Variants in CTNND2 observed in about 807,000 individuals in gnomAD.
The protein encoded by CTNND2 is catenin delta-2.
CTNND2 carries 22 observed loss-of-function variants against 144.4 expected under a neutral mutation model. That is an observed-to-expected ratio of 0.15 (90% confidence interval 0.11 to 0.22). The LOEUF is 0.22. CTNND2 is among the 10% of genes least tolerant of loss of function. The probability of loss-of-function intolerance (pLI) is 1.00; values close to 1 mark genes in which losing one functional copy is unlikely to be tolerated. For synonymous variants in CTNND2, 751 were observed against 695.6 expected (o/e 1.08, Z -1.25); for missense variants, 1,353 against 1,618.8 (o/e 0.84, Z 2.82).
intron 6 of CTNND2, among the ~76,000 whole-genome samples, chr5:11,389,443 G>A (rs1759419597): frequency 6.6e-6 from 1 of 152,100 alleles, no homozygotes; most frequent in Non-Finnish European, 1.5e-5. Flanking sequence ...TGTTTCAGAT[G>A]GGTCAGATTT....
chr5:11,862,402 A>G (rs1795544176), intron 1 of CTNND2, among the ~76,000 whole-genome samples: 2 of 152,230 alleles, frequency 1.3e-5, no homozygotes, highest in Admixed American at 1.3e-4. Context: ...GAATTTGTTC[A>G]AGTATGCACT....
At chr5:11,040,439 T>C (rs1195422244) in intron 16 of CTNND2, among the ~76,000 whole-genome samples, 2 of 152,220 alleles carry the variant, frequency 1.3e-5, no homozygotes, top group African/African-American at 4.8e-5. Flanking sequence ...TTTCAAGAGT[T>C]GTTATACTCA....
chr5:11,400,684 A>G (rs576332146), intron 5 of CTNND2, among the ~76,000 whole-genome samples: 3 of 152,370 alleles, frequency 2.0e-5, no homozygotes. Flanking sequence ...TACATGAAGC[A>G]AGGATCTTGA....
At chr5:11,410,760 T>C (rs1007879251) in intron 5 of CTNND2, among the ~76,000 whole-genome samples, 1 of 152,182 alleles carries the variant, frequency 6.6e-6, no homozygotes, top group Non-Finnish European at 1.5e-5. Flanking sequence ...CTTAGCATAG[T>C]ACTAAATAGA....
At chr5:11,075,424 G>C (rs1378880169) in intron 16 of CTNND2, among the ~76,000 whole-genome samples, 2 of 152,222 alleles carry the variant, frequency 1.3e-5, no homozygotes, top group Non-Finnish European at 2.9e-5. Context: ...CCAATGTGGT[G>C]AAGCAGCCAT....
At chr5:11,781,047 T>TA (rs1348544031) in intron 1 of CTNND2, among the ~76,000 whole-genome samples, 2 of 152,232 alleles carry the variant, frequency 1.3e-5, no homozygotes, top group African/African-American at 4.8e-5. Flanking sequence ...ACTTTCCTTT[T>TA]AAAGGCACTG....
chr5:11,192,776 C>T (rs1291536937), intron 11 of CTNND2, among the ~76,000 whole-genome samples: 2 of 152,240 alleles, frequency 1.3e-5, no homozygotes, highest in Admixed American at 6.5e-5. Flanking sequence ...CTGTGTCAGG[C>T]CTGTAACCTC....
intron 6 of CTNND2, among the ~76,000 whole-genome samples, chr5:11,389,139 T>A (rs561440000): frequency 1.1e-4 from 16 of 152,220 alleles, no homozygotes; most frequent in Non-Finnish European, 2.1e-4. Flanking sequence ...AATTCTTGAC[T>A]CTGTCTTCAT....
chr5:11,107,480 A>C lies in CTNND2; in HGVS notation c.2463+3378T>G, dbSNP rs1002615046. Among the ~76,000 whole-genome samples the C allele has an allele frequency of 1.1e-4, 16 of 152,222 alleles. 1 individual carries two copies. Among genetic ancestry groups the C allele is most frequent in the African/African-American group, 3.6e-4 (15 of 41,454 alleles). On this transcript the variant is annotated intron_variant, in intron 14 of 21. Coordinates refer to ENST00000304623, the MANE Select transcript of CTNND2 (RefSeq NM_001332.4). Reference sequence around the variant, plus strand: ...GAGGCTCTTGAAGAAGTGGTGGCCAATACCGATATCCTGAAAATCCAAGAA... The same window carrying C: ...GAGGCTCTTGAAGAAGTGGTGGCCACTACCGATATCCTGAAAATCCAAGAA...
chr5:11,703,556 T>A (rs964348866), intron 2 of CTNND2, among the ~76,000 whole-genome samples: 13 of 152,218 alleles, frequency 8.5e-5, no homozygotes, highest in African/African-American at 2.2e-4. Context: ...ATGCAAAAGA[T>A]CTTAACTTTC....
At chr5:10,980,524 GAC>G (rs1737092098) in intron 21 of CTNND2, among the ~76,000 whole-genome samples, 1 of 152,158 alleles carries the variant, frequency 6.6e-6, no homozygotes, top group African/African-American at 2.4e-5. Context: ...AATACCATTT[GAC>G]CCAGTGATCC....
intron 13 of CTNND2, among the ~76,000 whole-genome samples, chr5:11,115,822 G>A (rs953091540): frequency 6.6e-6 from 1 of 152,156 alleles, no homozygotes; most frequent in African/African-American, 2.4e-5. Flanking sequence ...TCAGATCTCT[G>A]GGGAGTAAGG....
intron 9 of CTNND2, among the ~76,000 whole-genome samples, chr5:11,344,667 G>C (rs531323435): frequency 6.6e-6 from 1 of 152,038 alleles, no homozygotes; most frequent in East Asian, 1.9e-4. Flanking sequence ...AAGCTTAGTG[G>C]TCAATATTCT....
intron 12 of CTNND2, among the ~76,000 whole-genome samples, chr5:11,156,958 G>C (rs1003290903): frequency 6.6e-6 from 1 of 152,156 alleles, no homozygotes; most frequent in African/African-American, 2.4e-5. Flanking sequence ...GCAGGTGGTG[G>C]TTGTGTATTG....
chr5:11,418,631 T>C (rs1194858693), intron 3 of CTNND2, among the ~76,000 whole-genome samples: 1 of 152,158 alleles, frequency 6.6e-6, no homozygotes, highest in African/African-American at 2.4e-5. Flanking sequence ...AGGGACGAGA[T>C]GATGACGAAG....
chr5:11,749,344 C>T (rs1788484026), intron 1 of CTNND2, among the ~76,000 whole-genome samples: 1 of 151,986 alleles, frequency 6.6e-6, no homozygotes, highest in South Asian at 2.1e-4. Context: ...AGCGTAGTGA[C>T]AATCTTCAGG....
chr5:11,358,906 G>A (rs1756172121), intron 8 of CTNND2, among the ~76,000 whole-genome samples: 2 of 152,180 alleles, frequency 1.3e-5, no homozygotes, highest in Admixed American at 1.3e-4. Flanking sequence ...ATACATCACA[G>A]AAAGCTTGTT....
intron 3 of CTNND2, among the ~76,000 whole-genome samples, chr5:11,446,183 G>T (rs1764784528): frequency 6.6e-6 from 1 of 152,180 alleles, no homozygotes; most frequent in Non-Finnish European, 1.5e-5. Context: ...ATATTGGTCA[G>T]GCTGATCTCA....
chr5:11,790,317 T>C (rs1353114364), intron 1 of CTNND2, among the ~76,000 whole-genome samples: 1 of 152,180 alleles, frequency 6.6e-6, no homozygotes, highest in Admixed American at 6.5e-5. Flanking sequence ...GTGCCTGCCA[T>C]ATGCTTGTTG....
Sources: allele counts gnomAD v4.1 joint callset (sites outside exome capture counted in the v4.1 genomes callset), GRCh38; gene constraint gnomAD v4.1.1; transcripts MANE v1.5; gene names NCBI Gene and HGNC (gene_info 2026-07-23, HGNC 2026-07-21).